Variants in ARAP2 observed in about 807,000 individuals in gnomAD.
ARAP2 encodes the protein ArfGAP with RhoGAP domain, ankyrin repeat and PH domain 2, also known as arf-GAP with Rho-GAP domain, ANK repeat and PH domain-containing protein 2.
ARAP2 carries 148 observed loss-of-function variants against 194.5 expected under a neutral mutation model. The ratio of observed to expected loss-of-function variants is 0.76; its 90% CI spans 0.67 to 0.87. The LOEUF (loss-of-function observed/expected upper bound fraction) is 0.87, where lower values mean the gene tolerates loss of function less well. ARAP2 is among the 40% of genes least tolerant of loss of function. The probability of loss-of-function intolerance (pLI) is 0.00; values close to 1 mark genes in which losing one functional copy is unlikely to be tolerated. For synonymous variants in ARAP2, 695 were observed against 683.5 expected (o/e 1.02, Z -0.26); for missense variants, 2,128 against 1,989.7 (o/e 1.07, Z -1.32).
chr4:36,182,365 G>A (rs1484430749), intron 8 of ARAP2, among the ~76,000 whole-genome samples: 2 of 152,074 alleles, frequency 1.3e-5, no homozygotes, highest in African/African-American at 2.4e-5. Context: ...GTTGGCACAC[G>A]CCCATAGTCC....
In ARAP2 at chr4:36,017,154, A is replaced by AAT. The variant is rs201975797; in HGVS notation, n.751-1198_751-1197dup. On this transcript the variant is annotated intron_variant and non_coding_transcript_variant, in intron 6 of 12. Transcript: ENST00000503225. ...ATAATTTTCATGAAACTCATATTCA[A>AAT]ATATATATATATTCAATTTGATGTC... Among the ~76,000 whole-genome samples the AAT allele has an allele frequency of 3.1e-3, 476 of 151,646 alleles. 3 individuals are homozygous for AAT. The highest frequency in any genetic ancestry group is 0.011 in the African/African-American group (445 of 41,432).
chr4:36,121,050 C>A, intron 23 of ARAP2, 129 bp downstream of exon 23: 1 of 655,650 alleles, frequency 1.5e-6, no homozygotes, highest in South Asian at 5.9e-5. Context: ...AAAAATATGA[C>A]TATTCCTTAT....
intron 25 of ARAP2, among the ~76,000 whole-genome samples, chr4:36,116,464 T>A (rs1014688675): frequency 6.6e-6 from 1 of 151,884 alleles, no homozygotes; most frequent in African/African-American, 2.4e-5. Flanking sequence ...AAACATCTAT[T>A]TTTAATTCAT....
chr4:36,031,682 T>C (rs1040736831), intron 5 of ARAP2, among the ~76,000 whole-genome samples: 1 of 151,558 alleles, frequency 6.6e-6, no homozygotes. Context: ...TTTTTTTTCT[T>C]TTTTGAGATG....
At chr4:36,178,217 T>C (rs867124302) in intron 8 of ARAP2, among the ~76,000 whole-genome samples, 6 of 152,194 alleles carry the variant, frequency 3.9e-5, no homozygotes, top group Admixed American at 1.3e-4. Context: ...TCAGTTCCAC[T>C]GGCTTTACCT....
chr4:36,113,421 A>T (rs1177636885), intron 26 of ARAP2, among the ~76,000 whole-genome samples: 1 of 152,010 alleles, frequency 6.6e-6, no homozygotes, highest in East Asian at 1.9e-4. Context: ...CACTTATTGC[A>T]ACACTCCTAA....
intron 2 of ARAP2, among the ~76,000 whole-genome samples, chr4:36,225,904 C>T (rs895962827): frequency 7.9e-5 from 12 of 152,132 alleles, no homozygotes; most frequent in African/African-American, 2.9e-4. Context: ...ATATCAATAT[C>T]ATTGACCAAA....
intron 19 of ARAP2, among the ~76,000 whole-genome samples, chr4:36,136,262 C>T (rs192710397): frequency 2.0e-3 from 309 of 151,836 alleles, no homozygotes; most frequent in Admixed American, 5.1e-3. Flanking sequence ...TTACTTATAT[C>T]CTGACAATCT....
At chr4:36,054,828 T>C (rs1007222805) in intron 2 of ARAP2, among the ~76,000 whole-genome samples, 2 of 152,208 alleles carry the variant, frequency 1.3e-5, no homozygotes, top group Non-Finnish European at 2.9e-5. Flanking sequence ...ATCAGAGAAA[T>C]ACTTTTTAAG....
At chr4:36,231,058 C>G (rs1306956349) in intron 1 of ARAP2, among the ~76,000 whole-genome samples, 1 of 152,208 alleles carries the variant, frequency 6.6e-6, no homozygotes, top group Non-Finnish European at 1.5e-5. Flanking sequence ...ACACCTCGGC[C>G]AGGCAAAGTG....
intron 6 of ARAP2, among the ~76,000 whole-genome samples, chr4:36,017,085 G>C (rs570204686): frequency 2.0e-5 from 3 of 148,552 alleles, no homozygotes; most frequent in East Asian, 2.0e-4. Context: ...CTGAAGCCCA[G>C]CACATAAAGA....
intron 6 of ARAP2, among the ~76,000 whole-genome samples, chr4:36,205,542 G>A (rs1745360718): frequency 6.6e-6 from 1 of 151,510 alleles, no homozygotes; most frequent in African/African-American, 2.4e-5. Flanking sequence ...ATCAAAGTAT[G>A]AACTGACTAG....
chr4:36,118,161 G>C (rs972634126), intron 24 of ARAP2, among the ~76,000 whole-genome samples: 1 of 151,142 alleles, frequency 6.6e-6, no homozygotes, highest in Non-Finnish European at 1.5e-5. Flanking sequence ...CTTATTTCCA[G>C]TTTTTCCTCC....
intron 19 of ARAP2, among the ~76,000 whole-genome samples, chr4:36,144,266 C>T (rs1026171661): frequency 3.3e-5 from 5 of 151,860 alleles, no homozygotes; most frequent in African/African-American, 9.7e-5. Flanking sequence ...AGAACATAAG[C>T]TCTGAGGGGT....
At position 36,070,558 on chromosome 4, in the gene ARAP2, A is replaced by G. The variant is rs568640451; in HGVS notation, c.4744-2280T>C. The stretch of plus-strand genomic sequence containing the variant: ...AGAGCAGGTTTTACTTATCATAGCT[A>G]GAGAATGGTATAATGGATGGGTTCT... On this transcript the variant is annotated intron_variant, in intron 32 of 32. Transcript: ENST00000303965. Among the ~76,000 whole-genome samples, 3 of 152,292 alleles carry G rather than the reference A, an allele frequency of 2.0e-5. No homozygotes were observed. The South Asian group carries it at 6.2e-4, about 32-fold the overall frequency.
chr4:36,048,380 A>G (rs1253571780), intron 3 of ARAP2, among the ~76,000 whole-genome samples: 1 of 152,086 alleles, frequency 6.6e-6, no homozygotes, highest in Non-Finnish European at 1.5e-5. Flanking sequence ...TCCTCCCTCT[A>G]GTAGTCCACA....
At chr4:36,083,588 TGAA>T (rs1730118310) in intron 28 of ARAP2, 138 bp from the exon 29 acceptor site, 1 of 621,336 alleles carries the variant, frequency 1.6e-6, no homozygotes, top group Admixed American at 3.5e-5. Flanking sequence ...GTTTAGTAAA[TGAA>T]GACTCTTTGG....
chr4:36,123,645 A>G (rs921110137), intron 22 of ARAP2, among the ~76,000 whole-genome samples: 1 of 151,674 alleles, frequency 6.6e-6, no homozygotes, highest in Non-Finnish European at 1.5e-5. Flanking sequence ...ACTGTTTCCT[A>G]GTTAGTTTAT....
chr4:36,109,836 A>T (rs551936947), intron 26 of ARAP2, among the ~76,000 whole-genome samples: 1 of 143,172 alleles, frequency 7.0e-6, no homozygotes, highest in Non-Finnish European at 1.5e-5. Flanking sequence ...TACATTAGGT[A>T]TATCACCTAA....
Sources: allele counts gnomAD v4.1 joint callset (sites outside exome capture counted in the v4.1 genomes callset), GRCh38; gene constraint gnomAD v4.1.1; transcripts MANE v1.5; gene names NCBI Gene and HGNC (gene_info 2026-07-23, HGNC 2026-07-21).